BIRC2: variants seen among roughly 807,000 people sequenced by gnomAD.
BIRC2 encodes the protein baculoviral IAP repeat containing 2.
Under a neutral mutation model 60.9 loss-of-function variants are expected in BIRC2, and 18 were observed. The observed-to-expected ratio is 0.30, with a 90% CI of 0.20 to 0.44. BIRC2 has a LOEUF of 0.44. BIRC2 is among the 20% of genes least tolerant of loss of function. The pLI, the probability that BIRC2 is intolerant of heterozygous loss-of-function variation, is 1.00. For synonymous variants in BIRC2, 282 were observed against 247.7 expected (o/e 1.14, Z -1.30); for missense variants, 701 against 728.5 (o/e 0.96, Z 0.43).
At chr11:102,367,966 T>C (rs1476158818) in intron 5 of BIRC2, among the ~76,000 whole-genome samples, 1 of 152,242 alleles carries the variant, frequency 6.6e-6, no homozygotes, top group African/African-American at 2.4e-5. Flanking sequence ...TAAGTTCGTA[T>C]AGCATATTGG....
At chr11:102,374,130 A>C (rs1443877587) in intron 6 of BIRC2, among the ~76,000 whole-genome samples, 9 of 149,616 alleles carry the variant, frequency 6.0e-5, no homozygotes, top group Admixed American at 1.3e-4. Context: ...CCTGTAGCTC[A>C]GAGTAATTTG....
At chr11:102,354,179 G>A (rs1951394207) in intron 3 of BIRC2, among the ~76,000 whole-genome samples, 1 of 152,096 alleles carries the variant, frequency 6.6e-6, no homozygotes, top group Admixed American at 6.6e-5. Flanking sequence ...TGCCTTCCAG[G>A]TTCATTCATG....
At chr11:102,376,412 A>C (rs542963667) in intron 6 of BIRC2, among the ~76,000 whole-genome samples, 1 of 152,352 alleles carries the variant, frequency 6.6e-6, no homozygotes, top group East Asian at 1.9e-4. Flanking sequence ...ACAGAATGGA[A>C]TTTTATAGTT....
intron 6 of BIRC2, among the ~76,000 whole-genome samples, chr11:102,372,326 A>G (rs1951642215): frequency 6.6e-6 from 1 of 152,142 alleles, no homozygotes; most frequent in Non-Finnish European, 1.5e-5. Flanking sequence ...ATTTCCCTCT[A>G]CACACTGCTT....
At chr11:102,374,723 T>C (rs942815954) in intron 6 of BIRC2, among the ~76,000 whole-genome samples, 1 of 152,270 alleles carries the variant, frequency 6.6e-6, no homozygotes, top group Non-Finnish European at 1.5e-5. Flanking sequence ...CTGCTTTGTT[T>C]ACCTAATCAA....
At chr11:102,373,111 C>G (rs1951654368) in intron 6 of BIRC2, among the ~76,000 whole-genome samples, 1 of 150,468 alleles carries the variant, frequency 6.6e-6, no homozygotes, top group Non-Finnish European at 1.5e-5. Flanking sequence ...TGGGTCTTGA[C>G]TCTTTATCCA....
At chr11:102,347,448 T>A (rs1430503825) in intron 1 of BIRC2, 72 bp downstream of exon 1, 1 of 69,748 alleles carries the variant, frequency 1.4e-5, no homozygotes, top group Non-Finnish European at 2.8e-5. Flanking sequence ...GGGGCCCACT[T>A]CCCTGATGTG....
intron 6 of BIRC2, among the ~76,000 whole-genome samples, chr11:102,369,329 C>CA (rs1951595144): frequency 3.2e-5 from 4 of 126,142 alleles, no homozygotes. Flanking sequence ...CCCACCCCAC[C>CA]ACAGTCCCCA....
At chr11:102,371,939 T>C (rs1591542279) in intron 6 of BIRC2, among the ~76,000 whole-genome samples, 2 of 152,190 alleles carry the variant, frequency 1.3e-5, no homozygotes, top group East Asian at 3.8e-4. Flanking sequence ...TTCTAGATTT[T>C]CTAGTTTATT....
At chr11:102,358,835 A>G (rs1029937007) in intron 3 of BIRC2, among the ~76,000 whole-genome samples, 2 of 152,020 alleles carry the variant, frequency 1.3e-5, no homozygotes, top group Non-Finnish European at 2.9e-5. Context: ...CTTTTTTCCT[A>G]TACCCATGCA....
intron 6 of BIRC2, 103 bp downstream of exon 6, chr11:102,368,651 G>A (rs973831024): frequency 1.4e-6 from 2 of 1,445,366 alleles, no homozygotes; most frequent in Non-Finnish European, 1.9e-6. Context: ...ACTAACTGCT[G>A]GTAGCAGTCC....
At chr11:102,347,585 G>A (rs550867836) in intron 1 of BIRC2, 5 of 152,436 alleles carry the variant, frequency 3.3e-5, no homozygotes, top group African/African-American at 9.6e-5. Flanking sequence ...GAGACTTGCA[G>A]TCAAAGCGAT....
At chr11:102,368,770 C>T (rs566982309) in intron 6 of BIRC2, among the ~76,000 whole-genome samples, 14 of 152,192 alleles carry the variant, frequency 9.2e-5, no homozygotes, top group African/African-American at 3.4e-4. Context: ...ATGAGGTTCT[C>T]TGATTTATGC....
intron 3 of BIRC2, among the ~76,000 whole-genome samples, chr11:102,357,307 T>G (rs1300565279): frequency 6.6e-6 from 1 of 151,026 alleles, no homozygotes; most frequent in Admixed American, 6.6e-5. Flanking sequence ...CTCCTCCCTT[T>G]TCTTTCTTCT....
chr11:102,364,186 CAGAGAG>C (rs56992401), intron 5 of BIRC2, among the ~76,000 whole-genome samples: 3,328 of 99,516 alleles, frequency 0.033, 120 homozygotes, highest in African/African-American at 0.079. Flanking sequence ...CACACACACA[CAGAGAG>C]AGAGAGAGAG....
chr11:102,363,726 A>G lies in BIRC2; in HGVS notation c.1123+10A>G. ...AATGCTGACCCACCAAGTATGTATG[A>G]GATAATTTTAAGTATAGAGTGTAAA... On this transcript the variant is annotated intron_variant, in intron 5 of 8. Transcript: ENST00000227758. The G allele has an allele frequency of 6.2e-7, 1 of 1,603,642 alleles. No individual in the cohort carries two copies. The highest frequency in any genetic ancestry group is 8.5e-7 in the Non-Finnish European group (1 of 1,171,622).
intron 3 of BIRC2, among the ~76,000 whole-genome samples, chr11:102,362,105 G>A (rs1951491109): frequency 6.6e-6 from 1 of 151,868 alleles, no homozygotes; most frequent in South Asian, 2.1e-4. Context: ...ATATGTTTTT[G>A]GTCTTTTGTC....
At chr11:102,375,705 G>A (rs536515333) in intron 6 of BIRC2, among the ~76,000 whole-genome samples, 3 of 151,844 alleles carry the variant, frequency 2.0e-5, no homozygotes, top group South Asian at 2.1e-4. Flanking sequence ...GCGTGAACCC[G>A]GGAGGCAGAG....
At chr11:102,363,605 T>G (rs763204670) in intron 4 of BIRC2, 63 bp from the exon 5 acceptor site, 1 of 1,271,970 alleles carries the variant, frequency 7.9e-7, no homozygotes, top group Non-Finnish European at 1.1e-6. Flanking sequence ...TATTTTAGTG[T>G]TGTTCTTTTC....
Sources: allele counts gnomAD v4.1 joint callset (sites outside exome capture counted in the v4.1 genomes callset), GRCh38; gene constraint gnomAD v4.1.1; transcripts MANE v1.5; gene names NCBI Gene and HGNC (gene_info 2026-07-23, HGNC 2026-07-21).